The following AP3D1 variants were observed in gnomAD, a reference collection of about 807,000 sequenced individuals.
AP3D1 encodes the protein adaptor related protein complex 3 subunit delta 1, also known as AP-3 complex subunit delta-1.
A neutral mutation model predicts 147.6 loss-of-function variants in AP3D1; 51 were observed. The observed-to-expected ratio is 0.35, with a 90% CI of 0.28 to 0.44. The LOEUF is 0.44. Among genes scored for constraint, AP3D1 ranks in the 20% least tolerant of loss-of-function variants. AP3D1 has a pLI of 1.00. For missense variants in AP3D1, 1,421 were observed against 1,624.2 expected (o/e 0.87, Z 2.15); for synonymous variants, 760 against 663.0 (o/e 1.15, Z -2.25).
chr19:2,151,122 C>T (rs2019497033), intron 1 of AP3D1, 117 bp downstream of exon 1: 3 of 966,208 alleles, frequency 3.1e-6, no homozygotes, highest in South Asian at 3.5e-5. Flanking sequence ...CTAAGCGGGA[C>T]CTCCAACTAA....
At position 2,121,893 on chromosome 19, in the gene AP3D1, C is replaced by T; in HGVS notation, c.956-14G>A. 6.3e-7 allele frequency: 1 copy of T among 1,594,834 alleles called. No homozygotes were observed. The highest frequency in any genetic ancestry group is 1.1e-5 in the South Asian group (1 of 88,688). On this transcript the variant is annotated splice_polypyrimidine_tract_variant and intron_variant, in intron 11 of 31. Transcript: ENST00000643116. ...CCAGGTACTTCACTGCAGAGAGAGG[C>T]CAGAGCCGGGTCACTGGGACGGACA...
rs888947850 is a variant in AP3D1, at chr19:2,130,330, A to G, written c.592+78T>C. The G allele has an allele frequency of 1.9e-5, 30 of 1,593,434 alleles. No homozygotes were observed. The African/African-American group carries it at 3.2e-4, about 17-fold the overall frequency. On this transcript the variant is annotated intron_variant, in intron 6 of 31. Coordinates refer to ENST00000643116, the MANE Select transcript of AP3D1 (RefSeq NM_001261826.3). ...TCACCACTCCCCGCAGCACCCCCCAAAACACGCCACCACCTCTTCCCAGGG... is the reference window on the plus strand; with the variant it reads ...TCACCACTCCCCGCAGCACCCCCCAGAACACGCCACCACCTCTTCCCAGGG...
At chr19:2,143,039 C>T (rs575529661) in intron 1 of AP3D1, among the ~76,000 whole-genome samples, 11 of 152,084 alleles carry the variant, frequency 7.2e-5, no homozygotes, top group Admixed American at 6.6e-4. Flanking sequence ...GCGGGGATTA[C>T]AGGAGTGAGC....
At chr19:2,127,299 C>A in intron 8 of AP3D1, 98 bp from the exon 9 acceptor site, 1 of 1,344,780 alleles carries the variant, frequency 7.4e-7, no homozygotes, top group South Asian at 1.2e-5. Context: ...GCCTCCGCCC[C>A]ACGGCTCAGG....
chr19:2,129,182 CTCGG>C lies in AP3D1; in HGVS notation c.733-23_733-20del. The C allele has an allele frequency of 6.2e-7, 1 of 1,605,842 alleles. No homozygotes were observed. Among genetic ancestry groups the C allele is most frequent in the African/African-American group, 1.4e-5 (1 of 73,872 alleles). ...CACCGAACTGTGGGGACAGCAGGGC[CTCGG>C]TCACCCGCAGGGAATGCCCCACGCA... On this transcript the variant is annotated intron_variant, in intron 7 of 31. Coordinates refer to ENST00000643116, the MANE Select transcript of AP3D1 (RefSeq NM_001261826.3).
At position 2,110,229 on chromosome 19, in the gene AP3D1, CG is replaced by C; in HGVS notation, c.3176-6del. The C allele has an allele frequency of 1.2e-6, 2 of 1,610,932 alleles. No individual in the cohort carries two copies. On this transcript the variant is annotated splice_polypyrimidine_tract_variant and splice_region_variant and intron_variant, in intron 27 of 31. Coordinates refer to ENST00000643116, the MANE Select transcript of AP3D1 (RefSeq NM_001261826.3). ...ACTGGGCTTCGTTGGAGACGCCTGG[CG>C]GGGGCGAGAGGGAGTGGGGCCTGAG...
chr19:2,103,030 G>A (rs992810041), intron 31 of AP3D1, among the ~76,000 whole-genome samples: 13 of 151,532 alleles, frequency 8.6e-5, no homozygotes, highest in African/African-American at 2.2e-4. Context: ...AGGCTGAGGC[G>A]GGAGGGTCGC....
At chr19:2,164,273 C>G in intron 1 of AP3D1, 2 of 1,259,858 alleles carry the variant, frequency 1.6e-6, no homozygotes, top group Non-Finnish European at 2.0e-6. Context: ...TACGTGAGTG[C>G]CGCCCTCCAC....
rs149059405 is a variant in AP3D1, at chr19:2,109,040, G to A, written c.3472+46C>T. 2,747 of 1,600,280 alleles carry A rather than the reference G, an allele frequency of 1.7e-3. 10 individuals carry two copies. Among genetic ancestry groups the A allele is most frequent in the Non-Finnish European group, 1.9e-3 (2,280 of 1,175,802 alleles). On this transcript the variant is annotated intron_variant, in intron 30 of 31. Coordinates refer to ENST00000643116, the MANE Select transcript of AP3D1 (RefSeq NM_001261826.3). ...TCCAATAGGAAGGGACAGCTGCCGC[G>A]TGCGTGAAAGCCCCGTGCAATCCAT...
chr19:2,130,393 C>T lies in AP3D1; in HGVS notation c.592+15G>A, dbSNP rs562076461. The T allele has an allele frequency of 2.4e-4, 393 of 1,613,786 alleles. 5 individuals are homozygous for T. In the South Asian group the frequency reaches 4.1e-3, roughly 17 times the overall value. ...CCCCACCCTCAACCCTGAGGCTTAA[C>T]TCAAATCCACAAACCGGGGTCGGGG... On this transcript the variant is annotated intron_variant, in intron 6 of 31. Transcript: ENST00000643116.
At chr19:2,123,713 G>A in intron 10 of AP3D1, 117 bp downstream of exon 10, 4 of 1,298,434 alleles carry the variant, frequency 3.1e-6, no homozygotes, top group South Asian at 1.3e-5. Context: ...CTCCCAAGCC[G>A]CAAGATGGCG....
At chr19:2,110,309 G>A (rs1399026830) in intron 27 of AP3D1, 85 bp from the exon 28 acceptor site, 2 of 1,147,464 alleles carry the variant, frequency 1.7e-6, no homozygotes, top group Admixed American at 1.8e-5. Context: ...TCAGTCCCAA[G>A]TCCTCTGTGG....
At chr19:2,157,441 C>CAAAAA (rs137939397) in intron 1 of AP3D1, among the ~76,000 whole-genome samples, 13 of 101,166 alleles carry the variant, frequency 1.3e-4, no homozygotes, top group South Asian at 1.1e-3. Flanking sequence ...GACTCCGTCT[C>CAAAAA]AAAAAAAAAA....
At position 2,116,247 on chromosome 19, in the gene AP3D1, T is replaced by C. The variant is rs1434466059; in HGVS notation, c.2033A>G (p.Asn678Ser). ...RREARKQEQA[N>S]NPFYIKSSPS... ...CGAGCTCTTGATGTAGAAGGGGTTG[T>C]TGGCCTGCTCCTGCTTCCGGGCCTC... The change falls in exon 18 of 32, where the codon AAC (asparagine) becomes AGC (serine). Residue 678 changes from asparagine (N) to serine (S), a missense_variant. Around this residue, in one of 6 missense-constraint regions of AP3D1, gnomAD observed 791 missense variants for 761.4 expected, o/e 1.04. Coordinates refer to ENST00000643116, the MANE Select transcript of AP3D1 (RefSeq NM_001261826.3). 6.2e-7 allele frequency: 1 copy of C among 1,614,054 alleles called. No individual in the cohort carries two copies. The highest frequency in any genetic ancestry group is 8.5e-7 in the Non-Finnish European group (1 of 1,180,018).
At chr19:2,115,440 C>A in intron 19 of AP3D1, 22 bp from the exon 20 acceptor site, 4 of 1,608,224 alleles carry the variant, frequency 2.5e-6, no homozygotes, top group South Asian at 1.1e-5. Context: ...CAGCGGGCAG[C>A]CACTCAGCAC....
intron 3 of AP3D1, 70 bp downstream of exon 3, chr19:2,137,657 T>C: frequency 8.1e-7 from 1 of 1,238,268 alleles, no homozygotes; most frequent in Non-Finnish European, 1.2e-6. Flanking sequence ...TAATAAAAAT[T>C]GGCCAGTCAC....
At chr19:2,102,858 G>C (rs1233030037) in intron 31 of AP3D1, among the ~76,000 whole-genome samples, 1 of 152,174 alleles carries the variant, frequency 6.6e-6, no homozygotes, top group Non-Finnish European at 1.5e-5. Context: ...TGAAGCAGGA[G>C]ACTCTCTTGA....
chr19:2,152,909 A>G (rs903598535), upstream of AP3D1, among the ~76,000 whole-genome samples: 54 of 152,150 alleles, frequency 3.5e-4, no homozygotes, highest in African/African-American at 1.3e-3. Flanking sequence ...AAACTGGGGT[A>G]AGATATTTAC....
intron 25 of AP3D1, 42 bp from the exon 26 acceptor site, chr19:2,111,374 T>G: frequency 6.2e-7 from 1 of 1,611,734 alleles, no homozygotes. Flanking sequence ...GGCCCCGAGC[T>G]CCGTCTCAGC....
Sources: allele counts gnomAD v4.1 joint callset (sites outside exome capture counted in the v4.1 genomes callset), GRCh38; gene constraint gnomAD v4.1.1; regional missense constraint gnomAD v4.1.1; transcripts MANE v1.5; gene names NCBI Gene and HGNC (gene_info 2026-07-23, HGNC 2026-07-21).